NRXN3: variants seen among roughly 807,000 people sequenced by gnomAD.
NRXN3 encodes the protein neurexin 3.
A neutral mutation model predicts 137.6 loss-of-function variants in NRXN3; 32 were observed. The ratio of observed to expected loss-of-function variants is 0.23; its 90% CI spans 0.18 to 0.31. The LOEUF (loss-of-function observed/expected upper bound fraction) is 0.31, where lower values mean the gene tolerates loss of function less well. Among genes scored for constraint, NRXN3 ranks in the 10% least tolerant of loss-of-function variants. The pLI, the probability that NRXN3 is intolerant of heterozygous loss-of-function variation, is 1.00. For synonymous variants in NRXN3, 798 were observed against 784.5 expected, an observed-to-expected ratio of 1.02 and a Z score of -0.29; for missense variants, 1,574 against 2,062.5, an observed-to-expected ratio of 0.76 and a Z score of 4.59.
intron 4 of NRXN3, among the ~76,000 whole-genome samples, chr14:78,364,653 C>T (rs1360906655): frequency 1.3e-5 from 2 of 152,146 alleles, no homozygotes; most frequent in Admixed American, 1.3e-4. Flanking sequence ...CATTGGCCTT[C>T]AGTGAACTGG....
chr14:78,534,899 G>C (rs1296107504), intron 4 of NRXN3, among the ~76,000 whole-genome samples: 1 of 152,142 alleles, frequency 6.6e-6, no homozygotes, highest in East Asian at 1.9e-4. Context: ...AGTGATAATA[G>C]TTGTTTGTAC....
intron 6 of NRXN3, among the ~76,000 whole-genome samples, chr14:78,687,299 G>A (rs1244295775): frequency 6.6e-6 from 1 of 152,210 alleles, no homozygotes; most frequent in African/African-American, 2.4e-5. Flanking sequence ...CCCCCTGGCT[G>A]TTCTATGGAG....
chr14:79,386,463 A>C (rs1476805997), intron 15 of NRXN3, among the ~76,000 whole-genome samples: 1 of 152,186 alleles, frequency 6.6e-6, no homozygotes, highest in South Asian at 2.1e-4. Context: ...GATACAAACA[A>C]ATGGAAGAAC....
intron 15 of NRXN3, among the ~76,000 whole-genome samples, chr14:79,139,866 C>T (rs978089765): frequency 2.0e-5 from 3 of 151,056 alleles, no homozygotes; most frequent in Non-Finnish European, 4.4e-5. Context: ...ATCACATGCT[C>T]AAAGGCTTTC....
At chr14:78,835,464 T>C (rs763551423) in intron 10 of NRXN3, among the ~76,000 whole-genome samples, 25 of 152,148 alleles carry the variant, frequency 1.6e-4, no homozygotes, top group Non-Finnish European at 3.4e-4. Context: ...TATCAGAGGC[T>C]ATTAGGACTC....
intron 19 of NRXN3, among the ~76,000 whole-genome samples, chr14:79,709,091 A>G (rs2098793013): frequency 6.6e-6 from 1 of 152,072 alleles, no homozygotes; most frequent in Non-Finnish European, 1.5e-5. Context: ...CACCTGGGTA[A>G]TCTTATTAAG....
intron 4 of NRXN3, among the ~76,000 whole-genome samples, chr14:78,540,435 C>CTTTTTTTT (rs537566835): frequency 8.6e-6 from 1 of 116,610 alleles, no homozygotes; most frequent in African/African-American, 3.2e-5. Flanking sequence ...GCAACCCCTG[C>CTTTTTTTT]TTTTTTTTTT....
intron 10 of NRXN3, among the ~76,000 whole-genome samples, chr14:78,870,977 G>A (rs1287611071): frequency 1.3e-5 from 2 of 150,012 alleles, no homozygotes; most frequent in Non-Finnish European, 3.0e-5. Context: ...TGGATTCTTG[G>A]GTTGATTTCA....
intron 1 of NRXN3, among the ~76,000 whole-genome samples, chr14:78,206,533 C>A (rs1466741478): frequency 6.6e-6 from 1 of 152,062 alleles, no homozygotes; most frequent in Admixed American, 6.6e-5. Context: ...GGAACAAAGG[C>A]CCAGAGAGCC....
intron 7 of NRXN3, among the ~76,000 whole-genome samples, chr14:78,710,858 G>A (rs558929248): frequency 2.2e-4 from 33 of 152,350 alleles, no homozygotes; most frequent in South Asian, 6.2e-4. Context: ...TTATTGCCCA[G>A]TAGGAATCTT....
At chr14:78,214,779 T>C (rs1226233057) in intron 1 of NRXN3, among the ~76,000 whole-genome samples, 1 of 152,166 alleles carries the variant, frequency 6.6e-6, no homozygotes, top group African/African-American at 2.4e-5. Context: ...GACTTCCCCG[T>C]GTTTACATGG....
At chr14:79,804,505 T>C (rs1015628129) in intron 19 of NRXN3, among the ~76,000 whole-genome samples, 10 of 152,198 alleles carry the variant, frequency 6.6e-5, no homozygotes, top group African/African-American at 2.2e-4. Flanking sequence ...TCAGGGACTA[T>C]TGTGTGGTAT....
At chr14:78,303,911 C>T (rs2077112333) in intron 4 of NRXN3, among the ~76,000 whole-genome samples, 2 of 152,098 alleles carry the variant, frequency 1.3e-5, no homozygotes, top group Admixed American at 6.5e-5. Flanking sequence ...GTGTCTTTGC[C>T]CTCTCTGTCA....
intron 16 of NRXN3, among the ~76,000 whole-genome samples, chr14:79,580,904 C>A (rs1344294021): frequency 6.6e-6 from 1 of 152,058 alleles, no homozygotes; most frequent in South Asian, 2.1e-4. Context: ...TGGGCCTAAT[C>A]CTTTCCGATA....
At position 79,585,695 on chromosome 14, in the gene NRXN3, A is replaced by C. The variant is rs1260396135; in HGVS notation, c.3445-78083A>C. 3.2e-5 allele frequency among the ~76,000 whole-genome samples: 3 copies of C among 93,476 alleles called. 1 individual carries two copies. The highest frequency in any genetic ancestry group is 2.1e-4 in the Admixed American group (2 of 9,636). 61.3% of individuals were successfully genotyped at this position (93,476 alleles called of 152,430 possible). A position where few individuals can be genotyped will look rare whatever the true frequency, so the allele number is the denominator to read the frequency against. On this transcript the variant is annotated intron_variant, in intron 16 of 20. Transcript: ENST00000335750. ...CGAGACTCCATCTTAAAAAAAAAAC[A>C]AAAAAAAAAAAAACCAACTTTGATA... is the stretch of plus-strand genomic sequence containing the variant.
At chr14:78,341,971 C>G (rs2082196232) in intron 4 of NRXN3, among the ~76,000 whole-genome samples, 2 of 152,184 alleles carry the variant, frequency 1.3e-5, no homozygotes, top group Non-Finnish European at 2.9e-5. Flanking sequence ...ACCTTGCTCT[C>G]TACACGTAAG....
At chr14:79,250,662 T>G (rs1259211331) in intron 15 of NRXN3, among the ~76,000 whole-genome samples, 4 of 152,102 alleles carry the variant, frequency 2.6e-5, no homozygotes, top group Admixed American at 2.6e-4. Flanking sequence ...CATTCAAGAA[T>G]CTAGTGAAGG....
chr14:78,469,837 C>A (rs2095222308), intron 4 of NRXN3, among the ~76,000 whole-genome samples: 1 of 152,226 alleles, frequency 6.6e-6, no homozygotes, highest in African/African-American at 2.4e-5. Context: ...AGTCTGAGAT[C>A]TCAGTATTTG....
intron 16 of NRXN3, among the ~76,000 whole-genome samples, chr14:79,598,542 G>T (rs1246097769): frequency 6.6e-6 from 1 of 152,202 alleles, no homozygotes; most frequent in Admixed American, 6.5e-5. Flanking sequence ...TATGCAGAAA[G>T]GATGTCAAAG....
Sources: allele counts gnomAD v4.1 joint callset (sites outside exome capture counted in the v4.1 genomes callset), GRCh38; gene constraint gnomAD v4.1.1; transcripts MANE v1.5; gene names NCBI Gene and HGNC (gene_info 2026-07-23, HGNC 2026-07-21).